Variants in SYT2 observed in about 807,000 individuals in gnomAD.
The protein encoded by SYT2 is synaptotagmin 2, also known as synaptotagmin-2.
A neutral mutation model predicts 39.9 loss-of-function variants in SYT2; 15 were observed. The observed-to-expected ratio is 0.38, with a 90% CI of 0.25 to 0.58. SYT2 has a LOEUF of 0.58. SYT2 is among the 20% of genes least tolerant of loss of function. The pLI is 0.70. For missense variants in SYT2, 389 were observed against 530.3 expected, an observed-to-expected ratio of 0.73 and a Z score of 2.62; for synonymous variants, 181 against 204.5, an observed-to-expected ratio of 0.89 and a Z score of 0.98.
intron 1 of SYT2, among the ~76,000 whole-genome samples, chr1:202,648,170 A>G (rs772280029): frequency 2.6e-5 from 4 of 152,184 alleles, no homozygotes; most frequent in Non-Finnish European, 5.9e-5. Context: ...GGCACAGTAA[A>G]TGTTAGCTGT....
At chr1:202,674,004 T>C (rs1653253700) in intron 1 of SYT2, among the ~76,000 whole-genome samples, 1 of 152,198 alleles carries the variant, frequency 6.6e-6, no homozygotes, top group South Asian at 2.1e-4. Flanking sequence ...TGAAGGTCTA[T>C]GTGGCAGGTT....
chr1:202,644,372 C>T (rs1181095633), intron 1 of SYT2, among the ~76,000 whole-genome samples: 2 of 152,190 alleles, frequency 1.3e-5, no homozygotes, highest in Non-Finnish European at 2.9e-5. Context: ...GGCTGACACC[C>T]ACGGTGAGCA....
chr1:202,697,806 A>C (rs1470110990), intron 1 of SYT2, among the ~76,000 whole-genome samples: 2 of 152,222 alleles, frequency 1.3e-5, no homozygotes, highest in Non-Finnish European at 2.9e-5. Flanking sequence ...AATGTATACC[A>C]TTTTTATTTG....
intron 1 of SYT2, among the ~76,000 whole-genome samples, chr1:202,683,552 A>G (rs936891513): frequency 2.0e-5 from 3 of 152,114 alleles, no homozygotes; most frequent in African/African-American, 4.8e-5. Context: ...TAGCCTGGGC[A>G]ATATAGCAAG....
chr1:202,671,706 C>T (rs1323072615), intron 1 of SYT2, among the ~76,000 whole-genome samples: 5 of 152,198 alleles, frequency 3.3e-5, no homozygotes, highest in Non-Finnish European at 7.3e-5. Context: ...GCTTTAGAAT[C>T]GACCCCAAAG....
At chr1:202,639,658 C>T in intron 1 of SYT2, 1 of 985,468 alleles carries the variant, frequency 1.0e-6, no homozygotes, top group Non-Finnish European at 1.2e-6. Context: ...GTTCCCTCAT[C>T]ATCAGGAGCC....
intron 1 of SYT2, among the ~76,000 whole-genome samples, chr1:202,697,123 C>T (rs1012799456): frequency 2.6e-5 from 4 of 152,198 alleles, no homozygotes; most frequent in Non-Finnish European, 4.4e-5. Flanking sequence ...TAGCTCCTAA[C>T]GGCAGATGGC....
intron 1 of SYT2, among the ~76,000 whole-genome samples, chr1:202,672,061 G>C (rs191927904): frequency 6.6e-6 from 1 of 152,142 alleles, no homozygotes; most frequent in Non-Finnish European, 1.5e-5. Context: ...ATAGGGGAAC[G>C]GCAGGTACTG....
chr1:202,692,273 C>G (rs1653856241), intron 1 of SYT2, among the ~76,000 whole-genome samples: 2 of 152,104 alleles, frequency 1.3e-5, no homozygotes, highest in Admixed American at 6.5e-5. Flanking sequence ...CATTTGGAGG[C>G]CCTATCCCCA....
intron 1 of SYT2, among the ~76,000 whole-genome samples, chr1:202,663,621 C>A (rs1441657305): frequency 2.0e-5 from 3 of 152,330 alleles, no homozygotes; most frequent in African/African-American, 7.2e-5. Flanking sequence ...GCTCGTCACC[C>A]AATTTCAATA....
chr1:202,650,546 C>T (rs897818117), intron 1 of SYT2, among the ~76,000 whole-genome samples: 3 of 152,000 alleles, frequency 2.0e-5, no homozygotes, highest in Non-Finnish European at 4.4e-5. Context: ...AGCTATTCTC[C>T]TGCCTCAGCC....
chr1:202,671,305 G>T (rs1007881357), intron 1 of SYT2, among the ~76,000 whole-genome samples: 8 of 152,240 alleles, frequency 5.3e-5, no homozygotes, highest in African/African-American at 1.9e-4. Context: ...GCCTGCCTGG[G>T]ACAAGCTCAT....
chr1:202,631,116 G>C (rs2149090794), intron 1 of SYT2, among the ~76,000 whole-genome samples: 1 of 152,334 alleles, frequency 6.6e-6, no homozygotes, highest in Non-Finnish European at 1.5e-5. Flanking sequence ...GGCAGAGTAA[G>C]GAGCCTGCCT....
At chr1:202,645,521 T>A (rs1332080669) in intron 1 of SYT2, among the ~76,000 whole-genome samples, 1 of 152,132 alleles carries the variant, frequency 6.6e-6, no homozygotes, top group African/African-American at 2.4e-5. Context: ...ACGATTGGAA[T>A]GTAGTGCTGC....
At chr1:202,652,364 CCT>C (rs778232157) in intron 1 of SYT2, among the ~76,000 whole-genome samples, 22 of 152,272 alleles carry the variant, frequency 1.4e-4, no homozygotes, top group Non-Finnish European at 2.9e-4. Flanking sequence ...GTGGGTTCAG[CCT>C]CTGTCTTCAC....
intron 1 of SYT2, among the ~76,000 whole-genome samples, chr1:202,647,171 A>G (rs977186887): frequency 2.0e-5 from 3 of 152,166 alleles, no homozygotes; most frequent in African/African-American, 7.2e-5. Context: ...ACAGACTAAA[A>G]TAAAGGCCCC....
intron 1 of SYT2, among the ~76,000 whole-genome samples, chr1:202,678,877 C>A (rs1414239222): frequency 6.6e-6 from 1 of 152,116 alleles, no homozygotes; most frequent in Non-Finnish European, 1.5e-5. Flanking sequence ...AGAGTCTCCA[C>A]CCCCCACCCA....
At chr1:202,604,239 C>T in intron 3 of SYT2, 1 of 546,658 alleles carries the variant, frequency 1.8e-6, no homozygotes, top group South Asian at 2.8e-5. Context: ...ACTGTCTTTC[C>T]AGGGATGAGT....
intron 1 of SYT2, among the ~76,000 whole-genome samples, chr1:202,613,037 C>T (rs941873153): frequency 2.0e-5 from 3 of 148,302 alleles, no homozygotes; most frequent in Admixed American, 6.7e-5. Flanking sequence ...AGTCTTGTAC[C>T]CTGCCACATT....
Sources: allele counts gnomAD v4.1 joint callset (sites outside exome capture counted in the v4.1 genomes callset), GRCh38; gene constraint gnomAD v4.1.1; transcripts MANE v1.5; gene names NCBI Gene and HGNC (gene_info 2026-07-23, HGNC 2026-07-21).